YAP1: variants seen among roughly 807,000 people sequenced by gnomAD.
The protein encoded by YAP1 is transcriptional coactivator YAP1.
YAP1 carries 5 observed loss-of-function variants against 56.9 expected under a neutral mutation model. That is an observed-to-expected ratio of 0.09 (90% CI 0.05 to 0.18). YAP1 has a LOEUF of 0.18. Ranked by LOEUF, YAP1 falls within the 10% of genes least tolerant of loss-of-function variation. The pLI, the probability that YAP1 is intolerant of heterozygous loss-of-function variation, is 1.00. For missense variants in YAP1, 539 were observed against 651.8 expected, an observed-to-expected ratio of 0.83 and a Z score of 1.88; for synonymous variants, 265 against 248.1, an observed-to-expected ratio of 1.07 and a Z score of -0.64.
intron 6 of YAP1, among the ~76,000 whole-genome samples, chr11:102,212,415 A>G (rs1451717664): frequency 6.6e-6 from 1 of 152,186 alleles, no homozygotes; most frequent in African/African-American, 2.4e-5. Context: ...TCCAAGATCC[A>G]TGGCCCAAGT....
chr11:102,201,139 T>C (rs1420710265), intron 4 of YAP1, among the ~76,000 whole-genome samples: 1 of 152,216 alleles, frequency 6.6e-6, no homozygotes, highest in Non-Finnish European at 1.5e-5. Context: ...TGTACAGTAC[T>C]CTTTACTAAT....
intron 2 of YAP1, among the ~76,000 whole-genome samples, chr11:102,155,032 G>A (rs1945860895): frequency 6.6e-6 from 1 of 152,084 alleles, no homozygotes; most frequent in Admixed American, 6.6e-5. Context: ...GTTTAATGGT[G>A]GCCTGTTATA....
intron 3 of YAP1, among the ~76,000 whole-genome samples, chr11:102,163,262 G>A (rs1279908815): frequency 6.6e-6 from 1 of 152,038 alleles, no homozygotes; most frequent in African/African-American, 2.4e-5. Flanking sequence ...TATGATAGAA[G>A]GGAAGATATG....
chr11:102,113,218 A>T (rs1321646282), intron 1 of YAP1, among the ~76,000 whole-genome samples: 1 of 152,358 alleles, frequency 6.6e-6, no homozygotes, highest in Non-Finnish European at 1.5e-5. Flanking sequence ...AAAATATTTT[A>T]AAAACTATGC....
chr11:102,155,409 C>T (rs2135369363), intron 2 of YAP1, among the ~76,000 whole-genome samples: 1 of 152,198 alleles, frequency 6.6e-6, no homozygotes, highest in African/African-American at 2.4e-5. Context: ...GGGGCCCCTC[C>T]CCAAGTTATT....
intron 2 of YAP1, among the ~76,000 whole-genome samples, chr11:102,149,448 A>G (rs1945501109): frequency 6.6e-6 from 1 of 152,198 alleles, no homozygotes; most frequent in Non-Finnish European, 1.5e-5. Flanking sequence ...AAGCCAGGAG[A>G]TGGATGAAAG....
chr11:102,188,666 T>C (rs369852635), intron 4 of YAP1, among the ~76,000 whole-genome samples: 4 of 152,336 alleles, frequency 2.6e-5, no homozygotes, highest in African/African-American at 7.2e-5. Context: ...GTTCTGTAGC[T>C]TGGGGCGATA....
At chr11:102,122,807 T>G (rs1260563206) in intron 2 of YAP1, among the ~76,000 whole-genome samples, 6 of 146,310 alleles carry the variant, frequency 4.1e-5, no homozygotes, top group Non-Finnish European at 8.9e-5. Context: ...GGCAGGATAA[T>G]CGTTTGAACC....
intron 2 of YAP1, among the ~76,000 whole-genome samples, chr11:102,144,872 A>G (rs1407757137): frequency 9.9e-6 from 1 of 100,786 alleles, no homozygotes; most frequent in African/African-American, 2.9e-5. Context: ...ACACACACAC[A>G]CACACATACA....
intron 2 of YAP1, among the ~76,000 whole-genome samples, chr11:102,121,616 T>C (rs867299074): frequency 6.6e-6 from 1 of 152,084 alleles, no homozygotes; most frequent in Non-Finnish European, 1.5e-5. Flanking sequence ...CATTGGTCAC[T>C]TAGTAGCCAC....
chr11:102,191,140 C>G (rs1480781045), intron 4 of YAP1, among the ~76,000 whole-genome samples: 1 of 150,988 alleles, frequency 6.6e-6, no homozygotes, highest in South Asian at 2.1e-4. Context: ...CACCACTGCA[C>G]TCCAGCCTGG....
At chr11:102,124,040 C>G (rs1016979661) in intron 2 of YAP1, among the ~76,000 whole-genome samples, 2 of 150,672 alleles carry the variant, frequency 1.3e-5, no homozygotes, top group Non-Finnish European at 3.0e-5. Flanking sequence ...CAATCTCTGG[C>G]TCCCGGGTTC....
chr11:102,216,590 T>C (rs1238429134), intron 6 of YAP1, among the ~76,000 whole-genome samples: 2 of 152,318 alleles, frequency 1.3e-5, no homozygotes, highest in South Asian at 2.1e-4. Flanking sequence ...AGTCCAATTA[T>C]GTCCTGAGCC....
chr11:102,159,546 A>G (rs965847730), intron 2 of YAP1, among the ~76,000 whole-genome samples: 3 of 152,192 alleles, frequency 2.0e-5, no homozygotes, highest in African/African-American at 7.2e-5. Context: ...TTAACAAAAC[A>G]TATTCTTGGC....
At chr11:102,163,399 A>T (rs1946412355) in intron 3 of YAP1, among the ~76,000 whole-genome samples, 1 of 152,298 alleles carries the variant, frequency 6.6e-6, no homozygotes, top group Non-Finnish European at 1.5e-5. Context: ...AGGTGGGTTC[A>T]AGGCCACAGT....
At chr11:102,183,739 T>TGTGTG (rs1565241068) in intron 3 of YAP1, among the ~76,000 whole-genome samples, 10 of 150,642 alleles carry the variant, frequency 6.6e-5, no homozygotes, top group South Asian at 2.1e-4. Context: ...TGTGTGTGTG[T>TGTGTG]TTAAACCACA....
At chr11:102,136,104 G>A (rs11225146) in intron 2 of YAP1, among the ~76,000 whole-genome samples, 75,715 of 152,068 alleles carry the variant, frequency 0.5, 20,900 homozygotes, top group South Asian at 0.67. Flanking sequence ...TATGTCCAGT[G>A]CATGGTACTT....
chr11:102,143,464 C>T (rs1945132661), intron 2 of YAP1, among the ~76,000 whole-genome samples: 1 of 152,128 alleles, frequency 6.6e-6, no homozygotes, highest in Non-Finnish European at 1.5e-5. Context: ...ATCCATCAAG[C>T]CATGAGATGG....
At chr11:102,127,472 A>G (rs1895917) in intron 2 of YAP1, among the ~76,000 whole-genome samples, 13 of 152,022 alleles carry the variant, frequency 8.6e-5, no homozygotes, top group Non-Finnish European at 1.6e-4. Context: ...TGGTGTTGAG[A>G]GTGCAGTTGC....
Sources: gnomAD v4.1 joint callset for allele counts (sites outside exome capture counted in the v4.1 genomes callset) on GRCh38, gnomAD v4.1.1 for gene constraint, MANE v1.5 for transcripts, NCBI Gene and HGNC (gene_info 2026-07-23, HGNC 2026-07-21) for gene names.